The following PSMD1 variants were observed in gnomAD, a reference collection of about 807,000 sequenced individuals.
PSMD1 encodes proteasome 26S subunit, non-ATPase 1, also known as 26S proteasome non-ATPase regulatory subunit 1.
PSMD1 carries 18 observed loss-of-function variants against 119.0 expected under a neutral mutation model. That is an observed-to-expected ratio of 0.15 (90% CI 0.10 to 0.22). The LOEUF (loss-of-function observed/expected upper bound fraction) is 0.22. Ranked by LOEUF, PSMD1 falls within the 10% of genes least tolerant of loss-of-function variation. The probability of loss-of-function intolerance (pLI) is 1.00; values close to 1 mark genes in which losing one functional copy is unlikely to be tolerated. For synonymous variants in PSMD1, 374 were observed against 396.6 expected, an observed-to-expected ratio of 0.94 and a Z score of 0.68; for missense variants, 702 against 1,158.5, an observed-to-expected ratio of 0.61 and a Z score of 5.72.
chr2:231,057,449 C>T lies in PSMD1; in HGVS notation c.16+408C>T, dbSNP rs552648010. 3.9e-5 allele frequency among the ~76,000 whole-genome samples: 6 copies of T among 152,362 alleles called. No individual in the cohort carries two copies. The South Asian group carries it at 1.2e-3, about 32-fold the overall frequency. The stretch of plus-strand genomic sequence containing the variant: ...GTGCCATTGAACAGTAAGGCAAACC[C>T]CCCTGATCGGGCAGCCTAACTGCTA... On this transcript the variant is annotated intron_variant, in intron 1 of 24. Coordinates refer to ENST00000308696, the MANE Select transcript of PSMD1 (RefSeq NM_002807.4).
intron 1 of PSMD1, among the ~76,000 whole-genome samples, chr2:231,060,701 T>C (rs1223345556): frequency 6.6e-6 from 1 of 152,238 alleles, no homozygotes; most frequent in Non-Finnish European, 1.5e-5. Flanking sequence ...TTACTTGTGA[T>C]AGGAAAGAGG....
intron 16 of PSMD1, among the ~76,000 whole-genome samples, chr2:231,113,319 T>C (rs1695221276): frequency 6.6e-6 from 1 of 152,238 alleles, no homozygotes; most frequent in Non-Finnish European, 1.5e-5. Flanking sequence ...TTGTTTTTTC[T>C]CTTATTAATC....
chr2:231,086,864 C>T (rs1441283698), intron 15 of PSMD1, among the ~76,000 whole-genome samples: 1 of 152,100 alleles, frequency 6.6e-6, no homozygotes, highest in Non-Finnish European at 1.5e-5. Context: ...ATCTCCTGAG[C>T]CCCAGAAGTT....
chr2:231,085,237 T>C (rs966369142), intron 15 of PSMD1, 123 bp downstream of exon 15: 4 of 764,610 alleles, frequency 5.2e-6, no homozygotes, highest in African/African-American at 1.7e-5. Context: ...AGGTTGTGAT[T>C]CTCATTTACT....
At position 231,170,858 on chromosome 2, in the gene PSMD1, C is replaced by T. The variant is rs191637835; in HGVS notation, c.*9+137C>T. 45 of 928,708 alleles carry T rather than the reference C, an allele frequency of 4.8e-5. No individual in the cohort carries two copies. In the East Asian group the frequency reaches 5.0e-4, roughly 10 times the overall value. 57.5% of individuals were successfully genotyped at this position (928,708 alleles called of 1,614,324 possible). A position where few individuals can be genotyped will look rare whatever the true frequency, so the allele number is the denominator to read the frequency against. On this transcript the variant is annotated intron_variant, in intron 24 of 24. Transcript: ENST00000308696. The surrounding 1 kb of genome is among the most constrained non-coding windows in gnomAD (Gnocchi z 4.1). Reference sequence around the variant, plus strand: ...TACCTAAACAGTATTAAAACTTCCCCGTTTCAACCTTTTTCTGCATATATA... The same window carrying T: ...TACCTAAACAGTATTAAAACTTCCCTGTTTCAACCTTTTTCTGCATATATA...
chr2:231,132,992 T>C (rs2125243059), intron 16 of PSMD1, among the ~76,000 whole-genome samples: 1 of 152,306 alleles, frequency 6.6e-6, no homozygotes, highest in South Asian at 2.1e-4. Context: ...GAGAAGCAAC[T>C]TGGAGAGGGA....
chr2:231,139,997 C>A (rs1192503165), intron 17 of PSMD1, among the ~76,000 whole-genome samples: 1 of 152,172 alleles, frequency 6.6e-6, no homozygotes, highest in Admixed American at 6.5e-5. Flanking sequence ...TTGGCCACCT[C>A]CCAGAAGTGA....
Position 231,061,329 on chromosome 2 carries a change from GTAAC to G in PSMD1, c.60+22_60+25del. The G allele has an allele frequency of 6.4e-7, 1 of 1,560,492 alleles. No homozygotes were observed. Among genetic ancestry groups the G allele is most frequent in the South Asian group, 1.1e-5 (1 of 87,912 alleles). ...GCTTAAGGTATGAATTGAAGAATAA[GTAAC>G]TAGGCTTAGTGTGAATACTGTGAAG... On this transcript the variant is annotated intron_variant, in intron 2 of 24. Coordinates refer to ENST00000308696, the MANE Select transcript of PSMD1 (RefSeq NM_002807.4).
intron 8 of PSMD1, among the ~76,000 whole-genome samples, chr2:231,076,184 T>G (rs1467484466): frequency 6.6e-6 from 1 of 152,216 alleles, no homozygotes; most frequent in South Asian, 2.1e-4. Flanking sequence ...AGGTATGGTC[T>G]CTAGCAAATG....
chr2:231,140,182 A>AT (rs1304050733), intron 17 of PSMD1, among the ~76,000 whole-genome samples: 1 of 151,974 alleles, frequency 6.6e-6, no homozygotes, highest in Non-Finnish European at 1.5e-5. Context: ...GATTCCTTGA[A>AT]TTTTTTTCCA....
intron 24 of PSMD1, among the ~76,000 whole-genome samples, chr2:231,171,660 G>A (rs1049385328): frequency 6.6e-5 from 10 of 150,850 alleles, no homozygotes; most frequent in Non-Finnish European, 1.0e-4. Flanking sequence ...GGGTTCAAGC[G>A]ATTCTCCTGC....
At chr2:231,083,019 C>G (rs762747334) in intron 13 of PSMD1, 25 bp downstream of exon 13, 1 of 1,498,324 alleles carries the variant, frequency 6.7e-7, no homozygotes, top group Non-Finnish European at 9.3e-7. Flanking sequence ...CTAAAGCTAA[C>G]AAGCTTAAGT....
At chr2:231,148,472 T>C (rs1343231036) in intron 18 of PSMD1, among the ~76,000 whole-genome samples, 3 of 152,224 alleles carry the variant, frequency 2.0e-5, no homozygotes, top group Non-Finnish European at 4.4e-5. Context: ...GGAACTGTTA[T>C]TGAACCAAGT....
intron 23 of PSMD1, among the ~76,000 whole-genome samples, chr2:231,166,594 T>C (rs573918331): frequency 3.3e-5 from 5 of 152,288 alleles, no homozygotes; most frequent in South Asian, 2.1e-4. Context: ...TTTAATTTAT[T>C]CCAAGACAGA....
chr2:231,062,448 G>A, intron 3 of PSMD1, 58 bp from the exon 4 acceptor site: 1 of 1,546,780 alleles, frequency 6.5e-7, no homozygotes, highest in Non-Finnish European at 8.7e-7. Flanking sequence ...ATTTAGATTT[G>A]GGATTTTTAG....
At chr2:231,135,057 A>G (rs188774749) in intron 16 of PSMD1, among the ~76,000 whole-genome samples, 17 of 152,322 alleles carry the variant, frequency 1.1e-4, no homozygotes, top group Admixed American at 9.8e-4. Flanking sequence ...TGTGCAGTCT[A>G]GAGTGGTTTT....
chr2:231,098,467 TTC>T (rs916329488), intron 16 of PSMD1, among the ~76,000 whole-genome samples: 28 of 149,776 alleles, frequency 1.9e-4, no homozygotes, highest in Non-Finnish European at 3.7e-4. Flanking sequence ...CTCTGTCTCT[TTC>T]TCTCTCTCTC....
intron 16 of PSMD1, among the ~76,000 whole-genome samples, chr2:231,099,654 A>G (rs1694814986): frequency 6.6e-6 from 1 of 151,920 alleles, no homozygotes. Flanking sequence ...GAAATTTCTC[A>G]CCTTTTGGGG....
chr2:231,113,698 T>C (rs775918760), intron 16 of PSMD1: 1 of 1,590,020 alleles, frequency 6.3e-7, no homozygotes, highest in East Asian at 2.2e-5. Flanking sequence ...AGATTTTGTA[T>C]ACCACCCACA....
Sources: allele counts gnomAD v4.1 joint callset (sites outside exome capture counted in the v4.1 genomes callset), GRCh38; gene constraint gnomAD v4.1.1; non-coding constraint Gnocchi (gnomAD v3.1); transcripts MANE v1.5; gene names NCBI Gene and HGNC (gene_info 2026-07-23, HGNC 2026-07-21).